Variants in FBXL7 observed in about 807,000 individuals in gnomAD.
FBXL7 encodes F-box and leucine rich repeat protein 7, also known as F-box/LRR-repeat protein 7.
A neutral mutation model predicts 38.3 loss-of-function variants in FBXL7; 12 were observed. The observed-to-expected ratio is 0.31, with a 90% CI of 0.20 to 0.51. The LOEUF is 0.51. FBXL7 is among the 20% of genes least tolerant of loss of function. The probability of loss-of-function intolerance (pLI) is 0.98; values close to 1 mark genes in which losing one functional copy is unlikely to be tolerated. For missense variants in FBXL7, 567 were observed against 676.4 expected (o/e 0.84, Z 1.79); for synonymous variants, 297 against 300.9 (o/e 0.99, Z 0.13).
At chr5:15,516,993 AT>A (rs1736959331) in intron 1 of FBXL7, among the ~76,000 whole-genome samples, 1 of 151,978 alleles carries the variant, frequency 6.6e-6, no homozygotes, top group East Asian at 1.9e-4. Flanking sequence ...ATACATAGAT[AT>A]TGGGTTTTTT....
intron 1 of FBXL7, among the ~76,000 whole-genome samples, chr5:15,530,729 C>G (rs1737397829): frequency 1.3e-5 from 2 of 152,202 alleles, no homozygotes; most frequent in African/African-American, 4.8e-5. Context: ...TTCCAGTGGA[C>G]TTGCATGGGA....
Position 15,557,446 on chromosome 5 carries a change from A to T in FBXL7, c.37+56733A>T, listed in dbSNP as rs1190026992. Among the ~76,000 whole-genome samples the T allele has an allele frequency of 3.9e-5, 6 of 152,350 alleles. No individual in the cohort carries two copies. In the South Asian group the frequency reaches 1.2e-3, roughly 32 times the overall value. ...AACATTTGTATATAATTATATTTAA[A>T]GTGAGCCGTGCATCATTTTAATGTG... On this transcript the variant is annotated intron_variant, in intron 1 of 3. Coordinates refer to ENST00000504595, the MANE Select transcript of FBXL7 (RefSeq NM_012304.5).
chr5:15,760,985 A>T (rs979317392), intron 2 of FBXL7, among the ~76,000 whole-genome samples: 5 of 152,076 alleles, frequency 3.3e-5, no homozygotes, highest in Admixed American at 3.3e-4. Flanking sequence ...ATTGGAAGTT[A>T]GACAATTACA....
In FBXL7 at chr5:15,928,499, C is replaced by A; in HGVS notation, c.737C>A (p.Ser246Ter). ...LCPNLEHLDV[S>*]GCSKVTCISL... ...CCTAATCTGGAGCACCTGGATGTGT[C>A]AGGTAAATGGACACTGACCTACCAG... Residue 246 changes from serine (S) to a stop codon, truncating the protein, a stop_gained and splice_region_variant, in exon 3 of 4, where the codon TCA (serine) becomes TAA (stop). Transcript: ENST00000504595. LOFTEE classifies it high-confidence loss of function. The surrounding 1 kb of genome is among the most constrained non-coding windows in gnomAD (Gnocchi z 4.0). The A allele has an allele frequency of 6.2e-7, 1 of 1,608,396 alleles. No homozygotes were observed. The highest frequency in any genetic ancestry group is 1.1e-5 in the South Asian group (1 of 90,400).
At chr5:15,820,957 C>T (rs934705847) in intron 2 of FBXL7, among the ~76,000 whole-genome samples, 5 of 152,166 alleles carry the variant, frequency 3.3e-5, no homozygotes, top group East Asian at 1.9e-4. Context: ...TCCACCACCC[C>T]GCAAATCCCA....
chr5:15,576,008 T>C (rs541244676), intron 1 of FBXL7, among the ~76,000 whole-genome samples: 2 of 151,668 alleles, frequency 1.3e-5, no homozygotes, highest in Non-Finnish European at 2.9e-5. Context: ...TATTTGTAAA[T>C]GGTAAGTGAG....
At chr5:15,735,219 C>A (rs544950868) in intron 2 of FBXL7, among the ~76,000 whole-genome samples, 123 of 152,284 alleles carry the variant, frequency 8.1e-4, no homozygotes, top group African/African-American at 2.9e-3. Flanking sequence ...AGGCATGAGC[C>A]GCTGTGAAGT....
At chr5:15,623,614 G>A (rs1740720899) in intron 2 of FBXL7, among the ~76,000 whole-genome samples, 1 of 152,052 alleles carries the variant, frequency 6.6e-6, no homozygotes, top group Admixed American at 6.6e-5. Flanking sequence ...TCTTTATATT[G>A]TCTTCTTTCT....
intron 1 of FBXL7, among the ~76,000 whole-genome samples, chr5:15,552,638 C>A (rs576120398): frequency 1.4e-4 from 22 of 152,322 alleles, no homozygotes; most frequent in African/African-American, 4.8e-4. Context: ...TTGCAGCCAC[C>A]TTCTGCCTGA....
intron 2 of FBXL7, among the ~76,000 whole-genome samples, chr5:15,629,014 A>G (rs1740909268): frequency 6.6e-6 from 1 of 152,012 alleles, no homozygotes; most frequent in Non-Finnish European, 1.5e-5. Flanking sequence ...ATGGTGGCTC[A>G]TGCATGTAAT....
chr5:15,568,544 G>A lies in FBXL7; in HGVS notation c.38-47439G>A, dbSNP rs547548463. 2.0e-5 allele frequency among the ~76,000 whole-genome samples: 3 copies of A among 150,502 alleles called. No homozygotes were observed. The South Asian group carries it at 6.3e-4, about 31-fold the overall frequency. ...TTTTCTCCCATTTTGTAGGTTGCCT[G>A]TTCACTCTGATGGTAGTTTCTTTTG... On this transcript the variant is annotated intron_variant, in intron 1 of 3. Transcript: ENST00000504595.
chr5:15,794,669 A>G (rs191347890), intron 2 of FBXL7, among the ~76,000 whole-genome samples: 1 of 152,248 alleles, frequency 6.6e-6, no homozygotes, highest in Non-Finnish European at 1.5e-5. Flanking sequence ...TTTGAGCGTG[A>G]GTTGGGTGAG....
intron 2 of FBXL7, among the ~76,000 whole-genome samples, chr5:15,650,019 T>A (rs1741654467): frequency 2.0e-5 from 3 of 152,218 alleles, no homozygotes; most frequent in Admixed American, 2.0e-4. Flanking sequence ...TTCCCAGTCC[T>A]GTAATAGAGC....
At chr5:15,691,446 C>T (rs1365435381) in intron 2 of FBXL7, among the ~76,000 whole-genome samples, 2 of 152,186 alleles carry the variant, frequency 1.3e-5, no homozygotes, top group Admixed American at 1.3e-4. Flanking sequence ...GCTAACCTGC[C>T]GTCATTTGGC....
chr5:15,616,232 T>G (rs945974751), intron 2 of FBXL7, among the ~76,000 whole-genome samples, 160 bp downstream of exon 2: 1 of 152,190 alleles, frequency 6.6e-6, no homozygotes, highest in African/African-American at 2.4e-5. Context: ...TTGTTGTTGT[T>G]GTTGTTGCGC....
chr5:15,885,429 A>G (rs898865794), intron 2 of FBXL7, among the ~76,000 whole-genome samples: 1 of 152,214 alleles, frequency 6.6e-6, no homozygotes, highest in African/African-American at 2.4e-5. Context: ...ACTGCATCCA[A>G]TCCACACACT....
intron 2 of FBXL7, among the ~76,000 whole-genome samples, chr5:15,621,861 A>G (rs1740656698): frequency 6.6e-6 from 1 of 152,230 alleles, no homozygotes; most frequent in South Asian, 2.1e-4. Context: ...CGGGATTTTC[A>G]GAGTTACAAA....
At chr5:15,817,800 T>G (rs1738059069) in intron 2 of FBXL7, among the ~76,000 whole-genome samples, 1 of 152,152 alleles carries the variant, frequency 6.6e-6, no homozygotes, top group Non-Finnish European at 1.5e-5. Flanking sequence ...CCACTAAACC[T>G]CTATTTCTTT....
chr5:15,715,185 G>C (rs909042620), intron 2 of FBXL7, among the ~76,000 whole-genome samples: 4 of 152,160 alleles, frequency 2.6e-5, no homozygotes, highest in African/African-American at 4.8e-5. Context: ...AGGAATTAAG[G>C]CTGTGACAAT....
Sources: gnomAD v4.1 joint callset for allele counts (sites outside exome capture counted in the v4.1 genomes callset) on GRCh38, gnomAD v4.1.1 for gene constraint, Gnocchi (gnomAD v3.1) non-coding constraint, MANE v1.5 for transcripts, NCBI Gene and HGNC (gene_info 2026-07-23, HGNC 2026-07-21) for gene names.